Variants in SERGEF observed in about 807,000 individuals in gnomAD.
SERGEF encodes secretion-regulating guanine nucleotide exchange factor.
Under a neutral mutation model 50.0 loss-of-function variants are expected in SERGEF, and 51 were observed. That is an observed-to-expected ratio of 1.02 (90% CI 0.81 to 1.29). SERGEF has a LOEUF of 1.29. SERGEF is among the 50% of genes most tolerant of loss of function. The pLI is 0.00. For synonymous variants in SERGEF, 205 were observed against 212.4 expected, an observed-to-expected ratio of 0.97 and a Z score of 0.30; for missense variants, 521 against 557.0, an observed-to-expected ratio of 0.94 and a Z score of 0.65.
chr11:17,913,768 T>C (rs898872595), intron 9 of SERGEF, among the ~76,000 whole-genome samples: 1 of 151,990 alleles, frequency 6.6e-6, no homozygotes, highest in African/African-American at 2.4e-5. Flanking sequence ...GTGGCTGCAG[T>C]GTAGGCAGCC....
At chr11:17,961,985 T>C (rs970065964) in intron 8 of SERGEF, among the ~76,000 whole-genome samples, 2 of 152,238 alleles carry the variant, frequency 1.3e-5, no homozygotes, top group Admixed American at 6.5e-5. Flanking sequence ...ATATAGAGTA[T>C]TAAGCTTATT....
At chr11:17,868,412 T>C (rs886515117) in intron 10 of SERGEF, among the ~76,000 whole-genome samples, 1 of 152,182 alleles carries the variant, frequency 6.6e-6, no homozygotes, top group African/African-American at 2.4e-5. Context: ...ATCTCCATCT[T>C]AGACCACCTG....
intron 10 of SERGEF, among the ~76,000 whole-genome samples, chr11:17,799,004 G>C (rs1473597416): frequency 6.6e-6 from 1 of 152,140 alleles, no homozygotes; most frequent in Non-Finnish European, 1.5e-5. Flanking sequence ...GAGCAGCAAG[G>C]GCATGCACAC....
chr11:17,887,468 G>A (rs1192169156), intron 9 of SERGEF, among the ~76,000 whole-genome samples: 1 of 152,150 alleles, frequency 6.6e-6, no homozygotes, highest in African/African-American at 2.4e-5. Context: ...GCAATTAATA[G>A]ATTCAGGCCA....
intron 4 of SERGEF, among the ~76,000 whole-genome samples, chr11:18,001,504 T>C (rs769976538): frequency 5.3e-5 from 8 of 152,136 alleles, no homozygotes; most frequent in Non-Finnish European, 8.8e-5. Flanking sequence ...ATGAAACCAT[T>C]AGGGCTTTAC....
chr11:17,912,409 T>C (rs950277876), intron 9 of SERGEF, among the ~76,000 whole-genome samples: 2 of 152,226 alleles, frequency 1.3e-5, no homozygotes, highest in Non-Finnish European at 2.9e-5. Context: ...ATTGTACCAA[T>C]GCCCATTTCC....
intron 10 of SERGEF, among the ~76,000 whole-genome samples, chr11:17,857,478 TA>T (rs923874085): frequency 6.6e-6 from 1 of 152,194 alleles, no homozygotes; most frequent in African/African-American, 2.4e-5. Flanking sequence ...TTGGCAAAAT[TA>T]AAATTTTAAA....
chr11:17,992,547 C>T (rs1355129289), intron 7 of SERGEF, among the ~76,000 whole-genome samples: 2 of 152,108 alleles, frequency 1.3e-5, no homozygotes, highest in Non-Finnish European at 2.9e-5. Context: ...AATTATATTA[C>T]ACTGTGTTAT....
intron 9 of SERGEF, among the ~76,000 whole-genome samples, chr11:17,918,010 T>C (rs1467697140): frequency 6.6e-6 from 1 of 152,254 alleles, no homozygotes; most frequent in African/African-American, 2.4e-5. Flanking sequence ...ATCCTCATTA[T>C]GCCTGTGGTA....
In SERGEF at chr11:17,895,445, C is replaced by T. The variant is rs78643756; in HGVS notation, c.1012-17201G>A. On this transcript the variant is annotated intron_variant, in intron 9 of 10. Coordinates refer to ENST00000265965, the MANE Select transcript of SERGEF (RefSeq NM_012139.4). ...TGACAGACTCTCTTCCTAGGCACAGCCCGACAAGTCAGCAGACTTAGGAGT... is the reference window on the plus strand; with the variant it reads ...TGACAGACTCTCTTCCTAGGCACAGTCCGACAAGTCAGCAGACTTAGGAGT... 8.1e-3 allele frequency among the ~76,000 whole-genome samples: 1,230 copies of T among 152,256 alleles called. 21 individuals are homozygous for T. Among genetic ancestry groups the T allele is most frequent in the African/African-American group, 0.028 (1,173 of 41,540 alleles).
intron 8 of SERGEF, among the ~76,000 whole-genome samples, chr11:17,969,905 A>G (rs1248032419): frequency 2.6e-5 from 4 of 152,254 alleles, no homozygotes; most frequent in African/African-American, 7.2e-5. Context: ...CTGAGCCAGA[A>G]GAAACCTTAG....
chr11:17,846,011 G>A (rs1269343155), intron 10 of SERGEF, among the ~76,000 whole-genome samples: 2 of 152,150 alleles, frequency 1.3e-5, no homozygotes, highest in Admixed American at 1.3e-4. Flanking sequence ...TGCAGCCTGG[G>A]ACCAGGGAAG....
chr11:17,844,596 G>T (rs1850567313), intron 10 of SERGEF, among the ~76,000 whole-genome samples: 1 of 152,138 alleles, frequency 6.6e-6, no homozygotes. Context: ...TTTAGTATTT[G>T]CCAAAGCCTT....
Position 17,859,540 on chromosome 11 carries a change from G to C in SERGEF, c.1048+18668C>G, listed in dbSNP as rs1850887733. Among the ~76,000 whole-genome samples the C allele has an allele frequency of 5.9e-5, 9 of 152,284 alleles. No individual in the cohort carries two copies. The South Asian group carries it at 1.9e-3, about 32-fold the overall frequency. On this transcript the variant is annotated intron_variant, in intron 10 of 10. Coordinates refer to ENST00000265965, the MANE Select transcript of SERGEF (RefSeq NM_012139.4). ...AAAATTGTAAAACAATTTCAAGAAAGATTTCCCAGAACTGGCAGGCCTAAG... is the reference window on the plus strand; with the variant it reads ...AAAATTGTAAAACAATTTCAAGAAACATTTCCCAGAACTGGCAGGCCTAAG...
chr11:17,910,078 A>G (rs1851919603), intron 9 of SERGEF, among the ~76,000 whole-genome samples: 1 of 152,020 alleles, frequency 6.6e-6, no homozygotes, highest in South Asian at 2.1e-4. Context: ...TCAGGGTCCA[A>G]ACTTGGATCA....
At chr11:17,836,504 C>G (rs575921283) in intron 10 of SERGEF, among the ~76,000 whole-genome samples, 1 of 152,216 alleles carries the variant, frequency 6.6e-6, no homozygotes, top group African/African-American at 2.4e-5. Context: ...TTTCCATCAA[C>G]TAGACTATAG....
rs946930451 is a variant in SERGEF at position 17,885,420 on chromosome 11, C to T, written c.1012-7176G>A. 2.0e-5 allele frequency among the ~76,000 whole-genome samples: 3 copies of T among 152,084 alleles called. No individual in the cohort carries two copies. In the South Asian group the frequency reaches 6.2e-4, roughly 32 times the overall value. ...CACTATAACCTCGAATTCCTGGGCT[C>T]AAGCGACCCTTCTGCCTTAGCTTCC... On this transcript the variant is annotated intron_variant, in intron 9 of 10. Coordinates refer to ENST00000265965, the MANE Select transcript of SERGEF (RefSeq NM_012139.4).
At position 17,959,569 on chromosome 11, in the gene SERGEF, A is replaced by G. The variant is rs373282345; in HGVS notation, c.912T>C (p.Tyr304=). The change falls in exon 9 of 11, where the codon TAT becomes TAC. Residue 304 remains tyrosine, a synonymous_variant. Coordinates refer to ENST00000265965, the MANE Select transcript of SERGEF (RefSeq NM_012139.4). ...CTTGCTTTTCTAGTTTCCAGCCTTCATAAGTCTCCAACTTCCTCCCTAGCT... is the reference window on the plus strand; with the variant it reads ...CTTGCTTTTCTAGTTTCCAGCCTTCGTAAGTCTCCAACTTCCTCCCTAGCT... ...YGQLGRKLET[Y]EGWKLEKQDS... 6.8e-6 allele frequency: 11 copies of G among 1,614,206 alleles called. No individual in the cohort carries two copies. Among genetic ancestry groups the G allele is most frequent in the Non-Finnish European group, 9.3e-6 (11 of 1,180,014 alleles).
At chr11:17,804,736 TTATTATTACTACC>T (rs1849727815) in intron 10 of SERGEF, among the ~76,000 whole-genome samples, 1 of 152,184 alleles carries the variant, frequency 6.6e-6, no homozygotes, top group Admixed American at 6.5e-5. Context: ...CCAACAACTA[TTATTATTACTACC>T]ATTAGTGGTA....
Sources: allele counts gnomAD v4.1 joint callset (sites outside exome capture counted in the v4.1 genomes callset), GRCh38; gene constraint gnomAD v4.1.1; transcripts MANE v1.5; gene names NCBI Gene and HGNC (gene_info 2026-07-23, HGNC 2026-07-21).